GDE1: variants seen among roughly 807,000 people sequenced by gnomAD.
GDE1 encodes the protein RGS16-interacting membrane protein.
In GDE1, 24 loss-of-function variants were observed where a neutral mutation model predicts 32.2. The ratio of observed to expected loss-of-function variants is 0.75; its 90% CI spans 0.54 to 1.05. GDE1 has a LOEUF of 1.05. Ranked by LOEUF, GDE1 falls within the 50% of genes least tolerant of loss-of-function variation. The pLI, the probability that GDE1 is intolerant of heterozygous loss-of-function variation, is 0.00. For missense variants in GDE1, 380 were observed against 415.0 expected (o/e 0.92, Z 0.73); for synonymous variants, 159 against 158.6 (o/e 1.00, Z -0.02).
rs1969464065 is a variant in GDE1, at chr16:19,521,906, A to G, written c.59T>C (p.Val20Ala). The G allele has an allele frequency of 6.3e-7, 1 of 1,596,504 alleles. No homozygotes were observed. The highest frequency in any genetic ancestry group is 8.5e-7 in the Non-Finnish European group (1 of 1,172,412). ...LLGPFSFLLL[V>A]LLLVTRSPVN... is the part of the protein sequence containing the mutation. ...CGGGCTCCGCGTCACCAGCAGCAGCACTAGCAGCAGGAAGGAGAAAGGGCC... is the reference window on the plus strand; with the variant it reads ...CGGGCTCCGCGTCACCAGCAGCAGCGCTAGCAGCAGGAAGGAGAAAGGGCC... Residue 20 changes from valine to alanine, a missense_variant, in exon 1 of 6, where the codon GTG becomes GCG. Transcript: ENST00000353258.
chr16:19,515,641 C>T (rs995227846), intron 2 of GDE1, among the ~76,000 whole-genome samples: 3 of 152,132 alleles, frequency 2.0e-5, no homozygotes, highest in African/African-American at 7.2e-5. Context: ...CACTCAAGAA[C>T]AATTCTAGCA....
At chr16:19,507,805 T>A in intron 3 of GDE1, 26 bp from the exon 4 acceptor site, 1 of 997,280 alleles carries the variant, frequency 1.0e-6, no homozygotes, top group Non-Finnish European at 1.6e-6. Context: ...ATTCATATAT[T>A]TAAAATTGAT....
intron 1 of GDE1, among the ~76,000 whole-genome samples, chr16:19,517,745 A>G (rs1969399054): frequency 6.6e-6 from 1 of 152,274 alleles, no homozygotes; most frequent in Admixed American, 6.5e-5. Flanking sequence ...TTGATGAGGT[A>G]GATTAGAATT....
At chr16:19,510,364 T>C (rs1969302348) in intron 3 of GDE1, among the ~76,000 whole-genome samples, 1 of 152,232 alleles carries the variant, frequency 6.6e-6, no homozygotes, top group African/African-American at 2.4e-5. Flanking sequence ...ATGTAAAAGG[T>C]ATATGTTCTG....
chr16:19,522,015 G>A lies in GDE1; in HGVS notation c.-51C>T, dbSNP rs1208795554. ...GGAGTCCCGGACCCGCCGGGCTCCT[G>A]GGGCAGTAGAACGAGAAGCGAGGGG... On this transcript the variant is annotated 5_prime_UTR_variant, in exon 1 of 6. Transcript: ENST00000353258. 2.7e-6 allele frequency: 4 copies of A among 1,498,168 alleles called. No individual in the cohort carries two copies. Among genetic ancestry groups the A allele is most frequent in the South Asian group, 2.5e-5 (2 of 79,902 alleles). 92.8% of individuals were successfully genotyped at this position (1,498,168 alleles called of 1,614,324 possible). A position where few individuals can be genotyped will look rare whatever the true frequency, so the allele number is the denominator to read the frequency against.
chr16:19,503,254 G>T lies in GDE1; in HGVS notation c.*216C>A. ...GCTCTTGTGCGTTTTTTCAGACCCA[G>T]ATTTTCAAGAGCAACAGTGTTGAAC... On this transcript the variant is annotated 3_prime_UTR_variant, in exon 6 of 6. Transcript: ENST00000353258. The T allele has an allele frequency of 1.9e-6, 1 of 538,026 alleles. No individual in the cohort carries two copies. Among genetic ancestry groups the T allele is most frequent in the Non-Finnish European group, 3.3e-6 (1 of 301,962 alleles). 33.3% of individuals were successfully genotyped at this position (538,026 alleles called of 1,614,324 possible).
chr16:19,504,899 T>G lies in GDE1; in HGVS notation c.830A>C (p.Gln277Pro), dbSNP rs200268131. The change falls in exon 5 of 6, where the codon CAA (glutamine) becomes CCA (proline). Residue 277 changes from glutamine to proline, a missense_variant. Gln to Pro is a moderately conservative substitution (Grantham distance 76). Coordinates refer to ENST00000353258, the MANE Select transcript of GDE1 (RefSeq NM_016641.4). ...AACTTACGGGGATACAAAATCCTTTTGCATGAGGAAAGCTGAAATTCCACA... is the reference window on the plus strand; with the variant it reads ...AACTTACGGGGATACAAAATCCTTTGGCATGAGGAAAGCTGAAATTCCACA... Reference protein sequence around the residue: ...YLCGISAFLMQKDFVSPAYLK... With the variant: ...YLCGISAFLMPKDFVSPAYLK... The G allele has an allele frequency of 1.2e-6, 2 of 1,611,360 alleles. No homozygotes were observed. Among genetic ancestry groups the G allele is most frequent in the Non-Finnish European group, 1.7e-6 (2 of 1,177,932 alleles).
chr16:19,503,389 G>A lies in GDE1; in HGVS notation c.*81C>T. 1 of 1,258,560 alleles carries A rather than the reference G, an allele frequency of 7.9e-7. No individual in the cohort carries two copies. The highest frequency in any genetic ancestry group is 2.3e-5 in the East Asian group (1 of 43,024). The allele number at this position is 1,258,560 out of a possible 1,614,324, so 78.0% of individuals were successfully genotyped here. A position where few individuals can be genotyped will look rare whatever the true frequency, so the allele number is the denominator to read the frequency against. On this transcript the variant is annotated 3_prime_UTR_variant, in exon 6 of 6. Coordinates refer to ENST00000353258, the MANE Select transcript of GDE1 (RefSeq NM_016641.4). ...TGAGTCACCTGATTCCCCAGGGCCT[G>A]GGCTAGCACAAAGGGTATTTTGATA...
At position 19,521,690 on chromosome 16, in the gene GDE1, C is replaced by A; in HGVS notation, c.261+14G>T. ...TCTCGGGAGGACCGAGGGGCGCGAA[C>A]GTGGGGGTCTCACCTGCCGAATGGC... On this transcript the variant is annotated intron_variant, in intron 1 of 5. Transcript: ENST00000353258. The A allele has an allele frequency of 3.1e-6, 5 of 1,608,500 alleles. No individual in the cohort carries two copies. The highest frequency in any genetic ancestry group is 4.2e-6 in the Non-Finnish European group (5 of 1,177,232).
chr16:19,520,761 G>A (rs962614081), intron 1 of GDE1, among the ~76,000 whole-genome samples: 1 of 150,506 alleles, frequency 6.6e-6, no homozygotes, highest in Non-Finnish European at 1.5e-5. Context: ...GAAGGAAGAA[G>A]AGAGAGAAAA....
chr16:19,503,311 C>T lies in GDE1; in HGVS notation c.*159G>A, dbSNP rs539484386. 15 of 643,700 alleles carry T rather than the reference C, an allele frequency of 2.3e-5. No individual in the cohort carries two copies. Among genetic ancestry groups the T allele is most frequent in the African/African-American group, 1.6e-4 (9 of 55,062 alleles). The allele number at this position is 643,700 out of a possible 1,614,324, so 39.9% of individuals were successfully genotyped here. A position where few individuals can be genotyped will look rare whatever the true frequency, so the allele number is the denominator to read the frequency against. ...ATGCCATGGTGCATGGTGGCAACAC[C>T]GGGTTTAGCTTTGGTTCAGGTAAAA... On this transcript the variant is annotated 3_prime_UTR_variant, in exon 6 of 6. Coordinates refer to ENST00000353258, the MANE Select transcript of GDE1 (RefSeq NM_016641.4).
At position 19,503,339 on chromosome 16, in the gene GDE1, G is replaced by A; in HGVS notation, c.*131C>T. The A allele has an allele frequency of 1.3e-6, 1 of 774,400 alleles. No homozygotes were observed. Among genetic ancestry groups the A allele is most frequent in the Non-Finnish European group, 2.1e-6 (1 of 476,178 alleles). The allele number at this position is 774,400 out of a possible 1,614,324, so 48.0% of individuals were successfully genotyped here. On this transcript the variant is annotated 3_prime_UTR_variant, in exon 6 of 6. Transcript: ENST00000353258. ...GTTTAGCTTTGGTTCAGGTAAAAAT[G>A]CAGTGACCAACTATTGCATTTGTGT... is the stretch of plus-strand genomic sequence containing the variant.
chr16:19,504,576 C>T, intron 5 of GDE1: 1 of 276,526 alleles, frequency 3.6e-6, no homozygotes, highest in Non-Finnish European at 6.9e-6. Context: ...GCCCAGGATC[C>T]TGTGTTGGCT....
chr16:19,511,188 C>G (rs1969315024), intron 2 of GDE1, among the ~76,000 whole-genome samples: 1 of 151,600 alleles, frequency 6.6e-6, no homozygotes, highest in Non-Finnish European at 1.5e-5. Context: ...CTGGAACTAC[C>G]AACTCCCAGG....
At chr16:19,515,806 T>A (rs1368123434) in intron 2 of GDE1, among the ~76,000 whole-genome samples, 1 of 152,154 alleles carries the variant, frequency 6.6e-6, no homozygotes, top group African/African-American at 2.4e-5. Flanking sequence ...AATACTTAAT[T>A]TTCCAAGAGA....
At position 19,517,055 on chromosome 16, in the gene GDE1, T is replaced by C; in HGVS notation, c.396A>G (p.Glu132=). The change falls in exon 2 of 6, where the codon GAA becomes GAG. Residue 132 remains glutamate (E), a synonymous_variant. Transcript: ENST00000353258. ...GTGRLCDLTF[E]QIRKLNPAAN... is the part of the protein sequence containing the mutation. ...CTGCAGGATTCAGCTTCCTAATTTG[T>C]TCAAATGTCAAATCACACAATCGCC... 6.2e-7 allele frequency: 1 copy of C among 1,614,204 alleles called. No individual in the cohort carries two copies. Among genetic ancestry groups the C allele is most frequent in the South Asian group, 1.1e-5 (1 of 91,086 alleles).
rs1969426796 is a variant in GDE1, at chr16:19,519,805, G to C, written c.261+1899C>G. Among the ~76,000 whole-genome samples, 3 of 152,122 alleles carry C rather than the reference G, an allele frequency of 2.0e-5. No individual in the cohort carries two copies. In the South Asian group the frequency reaches 6.2e-4, roughly 31 times the overall value. On this transcript the variant is annotated intron_variant, in intron 1 of 5. Transcript: ENST00000353258. ...GTGGATCACTTGAGGTCAGGAGTTTGAGACCAGCCTTGCCAACATGGCAAA... is the reference window on the plus strand; with the variant it reads ...GTGGATCACTTGAGGTCAGGAGTTTCAGACCAGCCTTGCCAACATGGCAAA...
chr16:19,503,473 G>T lies in GDE1; in HGVS notation c.993C>A (p.Phe331Leu). 6.2e-7 allele frequency: 1 copy of T among 1,613,816 alleles called. No individual in the cohort carries two copies. The highest frequency in any genetic ancestry group is 2.2e-5 in the East Asian group (1 of 44,882). Reference sequence around the variant, plus strand: ...CGTTTCGTCCCACCGTGAAAGTCTAGAAGTGAGGTTCGCAGTCTTCTACCA... The same window carrying T: ...CGTTTCGTCCCACCGTGAAAGTCTATAAGTGAGGTTCGCAGTCTTCTACCA... ...DSMVEDCEPHF is the reference protein window; with the variant it reads ...DSMVEDCEPHL The change falls in exon 6 of 6, where the codon TTC (phenylalanine) becomes TTA (leucine). Residue 331 changes from phenylalanine (F) to leucine (L), a missense_variant. Transcript: ENST00000353258.
intron 4 of GDE1, 86 bp downstream of exon 4, chr16:19,507,601 T>C (rs1969263653): frequency 1.3e-6 from 1 of 746,398 alleles, no homozygotes; most frequent in African/African-American, 1.7e-5. Context: ...TTCAATTTAA[T>C]AGGCATCTAT....
Sources: allele counts gnomAD v4.1 joint callset (sites outside exome capture counted in the v4.1 genomes callset), GRCh38; gene constraint gnomAD v4.1.1; transcripts MANE v1.5; gene names NCBI Gene and HGNC (gene_info 2026-07-23, HGNC 2026-07-21).